Variants in PIWIL1 observed in about 807,000 individuals in gnomAD.
The protein encoded by PIWIL1 is piwi-like protein 1.
A neutral mutation model predicts 114.4 loss-of-function variants in PIWIL1; 73 were observed. The ratio of observed to expected loss-of-function variants is 0.64; its 90% CI spans 0.53 to 0.78. The LOEUF is 0.78. PIWIL1 is among the 30% of genes least tolerant of loss of function. PIWIL1 has a pLI of 0.00. For missense variants in PIWIL1, 723 were observed against 1,063.1 expected, an observed-to-expected ratio of 0.68 and a Z score of 4.45; for synonymous variants, 375 against 369.0, an observed-to-expected ratio of 1.02 and a Z score of -0.19.
chr12:130,375,320 C>T (rs2073858893), downstream of PIWIL1, among the ~76,000 whole-genome samples: 2 of 152,202 alleles, frequency 1.3e-5, no homozygotes, highest in Non-Finnish European at 2.9e-5. Context: ...TGATCACAAG[C>T]AGGTATTTAA....
the PIWIL1 span, among the ~76,000 whole-genome samples, chr12:130,418,352 T>A: frequency 2.0e-5 from 3 of 152,168 alleles, no homozygotes; most frequent in Admixed American, 1.3e-4. Context: ...TAGTTTCAAG[T>A]GGTATCTGAG....
intron 9 of PIWIL1, among the ~76,000 whole-genome samples, chr12:130,353,855 G>A (rs917093384): frequency 7.2e-5 from 11 of 151,932 alleles, no homozygotes; most frequent in Non-Finnish European, 1.6e-4. Context: ...GAACCCGGGA[G>A]GCGGAGGTTG....
chr12:130,405,693 G>C, the PIWIL1 span, among the ~76,000 whole-genome samples: 2 of 151,904 alleles, frequency 1.3e-5, no homozygotes, highest in Middle Eastern at 3.4e-3. Flanking sequence ...GGGGTGGGGG[G>C]TTCCAAGCTG....
At chr12:130,387,697 A>G in the PIWIL1 span, among the ~76,000 whole-genome samples, 4 of 150,186 alleles carry the variant, frequency 2.7e-5, no homozygotes, top group East Asian at 7.9e-4. Context: ...TCCTGTCTCC[A>G]TTCACCCATG....
At chr12:130,357,440 G>A (rs760343368) in intron 13 of PIWIL1, 41 bp from the exon 14 acceptor site, 19 of 1,448,466 alleles carry the variant, frequency 1.3e-5, no homozygotes, top group African/African-American at 5.6e-5. Flanking sequence ...TCCATTTGTC[G>A]CTACTGTGTC....
chr12:130,355,878 T>C (rs939114662), intron 12 of PIWIL1, among the ~76,000 whole-genome samples: 1 of 152,080 alleles, frequency 6.6e-6, no homozygotes, highest in African/African-American at 2.4e-5. Flanking sequence ...TTTCCTCACC[T>C]TTCTCTTCTC....
chr12:130,380,660 A>G, the PIWIL1 span, among the ~76,000 whole-genome samples: 6 of 152,350 alleles, frequency 3.9e-5, no homozygotes, highest in Admixed American at 3.9e-4. Context: ...TAGCTTTTTT[A>G]TACTTGTCCA....
At chr12:130,369,209 C>T (rs1432208129) in intron 19 of PIWIL1, among the ~76,000 whole-genome samples, 2 of 152,072 alleles carry the variant, frequency 1.3e-5, no homozygotes, top group Non-Finnish European at 2.9e-5. Flanking sequence ...CATCCATGTC[C>T]CTGCAAAGAG....
the PIWIL1 span, among the ~76,000 whole-genome samples, chr12:130,404,794 CTT>C: frequency 1.3e-4 from 20 of 152,042 alleles, no homozygotes; most frequent in Non-Finnish European, 2.8e-4. Flanking sequence ...AGGTGGGACT[CTT>C]TACAAAATGT....
chr12:130,342,556 T>A (rs1286506212), intron 1 of PIWIL1, 24 bp from the exon 2 acceptor site: 1 of 1,394,374 alleles, frequency 7.2e-7, no homozygotes, highest in African/African-American at 1.4e-5. Flanking sequence ...TTGAGTATTG[T>A]CTTCAAGATT....
At chr12:130,410,244 A>G in the PIWIL1 span, among the ~76,000 whole-genome samples, 1 of 152,152 alleles carries the variant, frequency 6.6e-6, no homozygotes, top group Non-Finnish European at 1.5e-5. Context: ...TTTCTTATTG[A>G]TGAGTTTTGA....
At chr12:130,340,007 T>C (rs978522963) in intron 1 of PIWIL1, among the ~76,000 whole-genome samples, 6 of 152,166 alleles carry the variant, frequency 3.9e-5, no homozygotes, top group African/African-American at 7.2e-5. Flanking sequence ...AAGGCATCAA[T>C]TGTGATTCGC....
the PIWIL1 span, chr12:130,425,222 G>C: frequency 5.3e-6 from 1 of 188,502 alleles, no homozygotes; most frequent in African/African-American, 2.3e-5. Flanking sequence ...GGTGCCAGGG[G>C]AGACTGCCCG....
chr12:130,412,889 A>T, the PIWIL1 span: 1 of 1,114,270 alleles, frequency 9.0e-7, no homozygotes. Flanking sequence ...ATATATTTTA[A>T]ATATAGTTTA....
downstream of PIWIL1, among the ~76,000 whole-genome samples, chr12:130,376,918 C>T (rs1182741973): frequency 6.6e-6 from 1 of 152,212 alleles, no homozygotes; most frequent in Non-Finnish European, 1.5e-5. Context: ...CGGTTCTCCT[C>T]CTGCCTTAGG....
the PIWIL1 span, chr12:130,412,619 C>T: frequency 4.3e-6 from 7 of 1,613,386 alleles, no homozygotes; most frequent in South Asian, 1.1e-5. Context: ...TTGCGCTTAC[C>T]TATTTTCTCC....
chr12:130,374,700 C>T (rs547664710), downstream of PIWIL1, among the ~76,000 whole-genome samples: 1 of 152,290 alleles, frequency 6.6e-6, no homozygotes, highest in African/African-American at 2.4e-5. Flanking sequence ...GCCTGGGAAC[C>T]CCACGACCAG....
intron 19 of PIWIL1, 106 bp from the exon 20 acceptor site, chr12:130,371,070 C>T (rs969164929): frequency 1.1e-6 from 1 of 904,304 alleles, no homozygotes; most frequent in Non-Finnish European, 1.8e-6. Context: ...GATGAGGTTA[C>T]TGTAGTAACT....
the PIWIL1 span, among the ~76,000 whole-genome samples, chr12:130,387,997 C>G: frequency 6.6e-6 from 1 of 152,304 alleles, no homozygotes; most frequent in East Asian, 1.9e-4. Flanking sequence ...CTTTAAATCT[C>G]TAGAGTAGAG....
Sources: allele counts gnomAD v4.1 joint callset (sites outside exome capture counted in the v4.1 genomes callset), GRCh38; gene constraint gnomAD v4.1.1; transcripts MANE v1.5; gene names NCBI Gene and HGNC (gene_info 2026-07-23, HGNC 2026-07-21).